Variants in GLIS3 observed in about 807,000 individuals in gnomAD.
The protein encoded by GLIS3 is zinc finger protein GLIS3.
GLIS3 carries 53 observed loss-of-function variants against 78.6 expected under a neutral mutation model. The ratio of observed to expected loss-of-function variants is 0.67; its 90% CI spans 0.54 to 0.85. The LOEUF (loss-of-function observed/expected upper bound fraction) is 0.85, where lower values mean the gene tolerates loss of function less well. Ranked by LOEUF, GLIS3 falls within the 40% of genes least tolerant of loss-of-function variation. The pLI is 0.00. For synonymous variants in GLIS3, 684 were observed against 509.9 expected (o/e 1.34, Z -4.60); for missense variants, 1,703 against 1,231.1 (o/e 1.38, Z -5.74).
chr9:4,255,757 A>AACTATTCT (rs1824872079), intron 2 of GLIS3, among the ~76,000 whole-genome samples: 1 of 152,136 alleles, frequency 6.6e-6, no homozygotes, highest in South Asian at 2.1e-4. Context: ...AGGGCAGTGA[A>AACTATTCT]ACTATTCTAT....
At chr9:4,363,686 A>G in the GLIS3 span, among the ~76,000 whole-genome samples, 2 of 152,202 alleles carry the variant, frequency 1.3e-5, no homozygotes, top group Non-Finnish European at 2.9e-5. Flanking sequence ...TTCAACAGAT[A>G]GGCACTCAGC....
intron 4 of GLIS3, among the ~76,000 whole-genome samples, chr9:4,055,054 C>G (rs1328310470): frequency 6.6e-6 from 1 of 152,100 alleles, no homozygotes; most frequent in Non-Finnish European, 1.5e-5. Flanking sequence ...GTATTTTCCT[C>G]TTTTCCTTGT....
At chr9:4,325,529 G>A (rs1372568289) in intron 2 of GLIS3, among the ~76,000 whole-genome samples, 1 of 152,072 alleles carries the variant, frequency 6.6e-6, no homozygotes, top group Non-Finnish European at 1.5e-5. Flanking sequence ...AGTTGCTCTC[G>A]ATTCTCCTAT....
intron 2 of GLIS3, chr9:4,152,137 G>A (rs1166941457): frequency 1.0e-6 from 1 of 983,620 alleles, no homozygotes; most frequent in South Asian, 4.7e-5. Context: ...CACTTCAGCA[G>A]CTGATGAAAA....
the GLIS3 span, among the ~76,000 whole-genome samples, chr9:4,417,209 A>G: frequency 6.6e-6 from 1 of 152,152 alleles, no homozygotes; most frequent in Non-Finnish European, 1.5e-5. Context: ...TGGACTGAAG[A>G]GCCAGTAGTT....
chr9:4,035,043 C>A (rs897692438), intron 4 of GLIS3: 2 of 152,168 alleles, frequency 1.3e-5, no homozygotes, highest in Non-Finnish European at 2.9e-5. Flanking sequence ...GATAGAAGAA[C>A]TGCAGATGAG....
chr9:4,480,372 CTT>C, the GLIS3 span, among the ~76,000 whole-genome samples: 6 of 151,654 alleles, frequency 4.0e-5, no homozygotes, highest in African/African-American at 1.5e-4. Flanking sequence ...ACCTGTCTAA[CTT>C]TATTTTTTGT....
the GLIS3 span, among the ~76,000 whole-genome samples, chr9:4,409,823 G>C: frequency 6.6e-6 from 1 of 152,280 alleles, no homozygotes; most frequent in East Asian, 1.9e-4. Flanking sequence ...AACAAACCTG[G>C]ACTTGCTTGT....
chr9:4,107,123 G>C (rs1830817363), intron 4 of GLIS3, among the ~76,000 whole-genome samples: 1 of 152,178 alleles, frequency 6.6e-6, no homozygotes, highest in African/African-American at 2.4e-5. Flanking sequence ...TCTTTGATGA[G>C]ACCAGGTCGC....
intron 4 of GLIS3, among the ~76,000 whole-genome samples, chr9:3,994,193 A>T (rs1224353496): frequency 6.6e-6 from 1 of 152,166 alleles, no homozygotes; most frequent in Admixed American, 6.6e-5. Flanking sequence ...CTGCCTTTTA[A>T]AAAAGCACCT....
the GLIS3 span, among the ~76,000 whole-genome samples, chr9:4,366,158 C>G: frequency 6.6e-6 from 1 of 152,190 alleles, no homozygotes; most frequent in Non-Finnish European, 1.5e-5. Context: ...GTGGAATTAA[C>G]TTTAACCGTC....
intron 3 of GLIS3, among the ~76,000 whole-genome samples, chr9:4,309,612 C>T (rs1817309986): frequency 6.6e-6 from 1 of 152,140 alleles, no homozygotes; most frequent in South Asian, 2.1e-4. Context: ...TATAATTGTG[C>T]CTAAGTCAGG....
At chr9:4,005,800 C>T (rs994740740) in intron 4 of GLIS3, among the ~76,000 whole-genome samples, 2 of 152,148 alleles carry the variant, frequency 1.3e-5, no homozygotes, top group African/African-American at 4.8e-5. Flanking sequence ...ATCAAAGATA[C>T]TTAAATTATC....
chr9:4,272,986 CT>C (rs1826654513), intron 2 of GLIS3, among the ~76,000 whole-genome samples: 1 of 152,186 alleles, frequency 6.6e-6, no homozygotes, highest in South Asian at 2.1e-4. Flanking sequence ...GTTTAAAATA[CT>C]TTATTTCACC....
At chr9:4,089,253 G>A (rs1401839410) in intron 4 of GLIS3, among the ~76,000 whole-genome samples, 2 of 152,084 alleles carry the variant, frequency 1.3e-5, no homozygotes, top group African/African-American at 2.4e-5. Context: ...AACAAGACAC[G>A]TATCACCTCT....
chr9:3,833,609 A>G (rs984919295), intron 9 of GLIS3, among the ~76,000 whole-genome samples: 6 of 152,210 alleles, frequency 3.9e-5, no homozygotes, highest in African/African-American at 1.4e-4. Context: ...TTAGGGTGCT[A>G]TTGCTGAAAC....
chr9:4,334,018 A>C (rs1223095387), intron 2 of GLIS3, among the ~76,000 whole-genome samples: 1 of 152,178 alleles, frequency 6.6e-6, no homozygotes, highest in Non-Finnish European at 1.5e-5. Context: ...AAGTGCTTAG[A>C]AACAAAAGTG....
At chr9:4,175,105 T>C (rs532927674) in intron 2 of GLIS3, among the ~76,000 whole-genome samples, 1 of 152,288 alleles carries the variant, frequency 6.6e-6, no homozygotes, top group African/African-American at 2.4e-5. Flanking sequence ...GTTTCCTCAA[T>C]AGTTATTTCC....
chr9:4,488,088 T>G, the GLIS3 span, among the ~76,000 whole-genome samples: 1 of 134,500 alleles, frequency 7.4e-6, no homozygotes, highest in Non-Finnish European at 1.6e-5. Context: ...TCTAAGCACA[T>G]GGTTTTATTT....
Sources: allele counts gnomAD v4.1 joint callset (sites outside exome capture counted in the v4.1 genomes callset), GRCh38; gene constraint gnomAD v4.1.1; transcripts MANE v1.5; gene names NCBI Gene and HGNC (gene_info 2026-07-23, HGNC 2026-07-21).